The following KARS1 variants were observed in gnomAD, a reference collection of about 807,000 sequenced individuals.
KARS1 encodes lysyl-tRNA synthetase 1.
A neutral mutation model predicts 63.9 loss-of-function variants in KARS1; 50 were observed. That is an observed-to-expected ratio of 0.78 (90% CI 0.62 to 0.99). KARS1 has a LOEUF of 0.99. Ranked by LOEUF, KARS1 falls within the 50% of genes least tolerant of loss-of-function variation. The pLI is 0.00. For synonymous variants in KARS1, 320 were observed against 264.6 expected (o/e 1.21, Z -2.03); for missense variants, 816 against 754.5 (o/e 1.08, Z -0.95).
At chr16:75,634,709 G>A (rs981229505) in intron 6 of KARS1, among the ~76,000 whole-genome samples, 3 of 152,152 alleles carry the variant, frequency 2.0e-5, no homozygotes, top group Non-Finnish European at 4.4e-5. Context: ...CAAAGTAGCT[G>A]GGACTACAGG....
At chr16:75,646,552 A>C (rs558913942) in intron 1 of KARS1, among the ~76,000 whole-genome samples, 4 of 151,964 alleles carry the variant, frequency 2.6e-5, no homozygotes, top group African/African-American at 9.6e-5. Flanking sequence ...AAAAAAAAAA[A>C]AAGAAACATC....
chr16:75,644,522 CAACT>C, intron 1 of KARS1: 1 of 1,259,656 alleles, frequency 7.9e-7, no homozygotes, highest in South Asian at 1.6e-5. Context: ...TATACCCAAC[CAACT>C]CTCTTATGGG....
In KARS1 at chr16:75,635,088, A is replaced by G. The variant is rs80288252; in HGVS notation, c.795+592T>C. Among the ~76,000 whole-genome samples, 1,471 of 152,356 alleles carry G rather than the reference A, an allele frequency of 9.7e-3. 32 individuals carry two copies. The highest frequency in any genetic ancestry group is 0.03 in the African/African-American group (1,247 of 41,574). ...GAGTATCTATCTATCTCATACAAAG[A>G]GATCCAGAATATCTTAAGTGAAATA... On this transcript the variant is annotated intron_variant, in intron 6 of 13. Transcript: ENST00000302445.
At chr16:75,634,952 T>G (rs1035491180) in intron 6 of KARS1, among the ~76,000 whole-genome samples, 3 of 152,228 alleles carry the variant, frequency 2.0e-5, no homozygotes, top group African/African-American at 7.2e-5. Context: ...AAAAAAAATT[T>G]TAACTGCTTA....
Position 75,627,793 on chromosome 16 carries a change from C to T in KARS1, c.*102G>A, listed in dbSNP as rs902343721. On this transcript the variant is annotated 3_prime_UTR_variant, in exon 14 of 14. Transcript: ENST00000302445. The stretch of plus-strand genomic sequence containing the variant: ...CTCTTCTGATGGCTGAACAGAACTG[C>T]GGTGTCAAATGGAAAGCAGCACACA... 29 of 783,622 alleles carry T rather than the reference C, an allele frequency of 3.7e-5. No homozygotes were observed. The highest frequency in any genetic ancestry group is 1.9e-4 in the African/African-American group (11 of 58,864). The allele number at this position is 783,622 out of a possible 1,614,324, so 48.5% of individuals were successfully genotyped here. A position where few individuals can be genotyped will look rare whatever the true frequency, so the allele number is the denominator to read the frequency against.
chr16:75,629,871 T>C (rs1286645522), intron 11 of KARS1, among the ~76,000 whole-genome samples: 4 of 152,268 alleles, frequency 2.6e-5, no homozygotes, highest in Non-Finnish European at 5.9e-5. Flanking sequence ...AAAGTGTTAC[T>C]GATTGCAGTC....
intron 2 of KARS1, 148 bp from the exon 3 acceptor site, chr16:75,640,497 A>G (rs2082212440): frequency 1.3e-6 from 1 of 745,674 alleles, no homozygotes; most frequent in African/African-American, 1.8e-5. Flanking sequence ...AGGATTGAAT[A>G]TGGAGTGAGA....
Position 75,627,764 on chromosome 16 carries a change from G to A in KARS1, c.*131C>T. The A allele has an allele frequency of 1.4e-6, 1 of 723,104 alleles. No homozygotes were observed. Among genetic ancestry groups the A allele is most frequent in the Non-Finnish European group, 2.6e-6 (1 of 390,608 alleles). 44.8% of individuals were successfully genotyped at this position (723,104 alleles called of 1,614,324 possible). ...ATTAAAAAGAAATTTTTAATTCCTT[G>A]TCTCTCTTCTGATGGCTGAACAGAA... On this transcript the variant is annotated 3_prime_UTR_variant, in exon 14 of 14. Transcript: ENST00000302445.
chr16:75,630,626 AT>A (rs745524374), intron 10 of KARS1, 118 bp from the exon 11 acceptor site: 14 of 433,086 alleles, frequency 3.2e-5, no homozygotes, highest in Admixed American at 1.2e-4. Context: ...CTTTTTATTT[AT>A]TTATTATTAT....
rs557125923 is a variant in KARS1 at position 75,634,343 on chromosome 16, G to A, written c.796-51C>T. The A allele has an allele frequency of 1.6e-5, 25 of 1,598,970 alleles. No homozygotes were observed. In the East Asian group the frequency reaches 5.6e-4, roughly 36 times the overall value. Reference sequence around the variant, plus strand: ...GTCCTTAGATAACCAGAGGCCTTGGGGACAGACCATGCTTTGCATGTAATA... The same window carrying A: ...GTCCTTAGATAACCAGAGGCCTTGGAGACAGACCATGCTTTGCATGTAATA... On this transcript the variant is annotated intron_variant, in intron 6 of 13. Coordinates refer to ENST00000302445, the MANE Select transcript of KARS1 (RefSeq NM_005548.3).
At chr16:75,632,350 G>C (rs2082123381) in intron 7 of KARS1, among the ~76,000 whole-genome samples, 1 of 151,678 alleles carries the variant, frequency 6.6e-6, no homozygotes, top group Non-Finnish European at 1.5e-5. Context: ...CCCCTTTTTT[G>C]GCTGCCTAGG....
At chr16:75,630,646 T>C in intron 10 of KARS1, 138 bp from the exon 11 acceptor site, 1 of 368,582 alleles carries the variant, frequency 2.7e-6, no homozygotes, top group South Asian at 3.3e-5. Context: ...ATTATTATTA[T>C]TATTATTGAG....
Position 75,630,525 on chromosome 16 carries a change from A to G in KARS1, c.1339-17T>C, listed in dbSNP as rs952446059. 2.0e-5 allele frequency: 30 copies of G among 1,514,576 alleles called. No individual in the cohort carries two copies. Among genetic ancestry groups the G allele is most frequent in the Non-Finnish European group, 2.7e-5 (29 of 1,090,032 alleles). 93.8% of individuals were successfully genotyped at this position (1,514,576 alleles called of 1,614,324 possible). ...CCCAACAAGCTTAATGAGAAAGCAA[A>G]GCAGAGTCAGTCACCATTTCTGAAT... On this transcript the variant is annotated splice_polypyrimidine_tract_variant and intron_variant, in intron 10 of 13. Coordinates refer to ENST00000302445, the MANE Select transcript of KARS1 (RefSeq NM_005548.3).
chr16:75,628,541 G>C, intron 13 of KARS1, 28 bp downstream of exon 13: 2 of 1,611,828 alleles, frequency 1.2e-6, no homozygotes, highest in Non-Finnish European at 1.7e-6. Context: ...TCCTCAGGAA[G>C]TGTGCTCTGT....
In KARS1 at chr16:75,641,832, C is replaced by T. The variant is rs2082228676; in HGVS notation, c.63-109G>A. 6.6e-5 allele frequency: 77 copies of T among 1,166,612 alleles called. 1 individual carries two copies. In the South Asian group the frequency reaches 9.2e-4, roughly 14 times the overall value. The allele number at this position is 1,166,612 out of a possible 1,614,324, so 72.3% of individuals were successfully genotyped here. On this transcript the variant is annotated intron_variant, in intron 1 of 13. Coordinates refer to ENST00000302445, the MANE Select transcript of KARS1 (RefSeq NM_005548.3). ...GAATCGCCCAGGAGAAACGCTCTTG[C>T]TCAGTTCTATACCCCTCAATTCCAC...
At chr16:75,646,274 G>C (rs926144760) in intron 1 of KARS1, among the ~76,000 whole-genome samples, 1 of 152,188 alleles carries the variant, frequency 6.6e-6, no homozygotes, top group Non-Finnish European at 1.5e-5. Flanking sequence ...TGGTGGCTCA[G>C]GCTCACGCCT....
chr16:75,634,118 T>C (rs769283347), intron 7 of KARS1, 55 bp downstream of exon 7: 3 of 1,587,746 alleles, frequency 1.9e-6, no homozygotes, highest in Non-Finnish European at 2.6e-6. Context: ...ATCTAGCCAG[T>C]GGTATTCCAG....
At chr16:75,635,556 G>T in intron 6 of KARS1, 124 bp downstream of exon 6, 1 of 1,092,248 alleles carries the variant, frequency 9.2e-7, no homozygotes, top group Non-Finnish European at 1.4e-6. Context: ...GCAAGAAAAG[G>T]GGACATTCTC....
chr16:75,637,935 G>A lies in KARS1; in HGVS notation c.389-1388C>T, dbSNP rs370018305. ...AAAAAAAAGAAGACCCAAAAAAAGT[G>A]AGGAAGAAGAAGAGAACCAGGAAAT... On this transcript the variant is annotated intron_variant, in intron 3 of 13. Transcript: ENST00000302445. 3.2e-4 allele frequency among the ~76,000 whole-genome samples: 48 copies of A among 147,842 alleles called. 1 individual carries two copies. The highest frequency in any genetic ancestry group is 2.6e-3 in the South Asian group (12 of 4,680).
Sources: gnomAD v4.1 joint callset for allele counts (sites outside exome capture counted in the v4.1 genomes callset) on GRCh38, gnomAD v4.1.1 for gene constraint, MANE v1.5 for transcripts, NCBI Gene and HGNC (gene_info 2026-07-23, HGNC 2026-07-21) for gene names.